Variants in HEPACAM2 observed in about 807,000 individuals in gnomAD.
HEPACAM2 encodes the protein mitotic kinetics regulator.
Under a neutral mutation model 49.6 loss-of-function variants are expected in HEPACAM2, and 49 were observed. The ratio of observed to expected loss-of-function variants is 0.99; its 90% CI spans 0.78 to 1.25. HEPACAM2 has a LOEUF of 1.25. Ranked by LOEUF, HEPACAM2 falls within the 50% of genes most tolerant of loss-of-function variation. The pLI is 0.00. For missense variants in HEPACAM2, 525 were observed against 557.2 expected (o/e 0.94, Z 0.58); for synonymous variants, 197 against 202.9 (o/e 0.97, Z 0.25).
chr7:93,209,252 G>A (rs1469948051), intron 3 of HEPACAM2, among the ~76,000 whole-genome samples: 4 of 151,814 alleles, frequency 2.6e-5, no homozygotes, highest in Admixed American at 6.6e-5. Context: ...TGTGTGACTA[G>A]CTTATTTTTA....
At chr7:93,212,437 G>A (rs181751151) in intron 3 of HEPACAM2, among the ~76,000 whole-genome samples, 1 of 151,636 alleles carries the variant, frequency 6.6e-6, no homozygotes, top group East Asian at 1.9e-4. Flanking sequence ...ACACTTTGAA[G>A]CATTTCAGTT....
upstream of HEPACAM2, among the ~76,000 whole-genome samples, chr7:93,230,478 C>T (rs1280383722): frequency 6.6e-6 from 1 of 152,232 alleles, no homozygotes; most frequent in Non-Finnish European, 1.5e-5. Flanking sequence ...TTGAGATCTA[C>T]TGAACTCAGA....
At chr7:93,210,805 T>C (rs1033792918) in intron 3 of HEPACAM2, among the ~76,000 whole-genome samples, 2 of 151,974 alleles carry the variant, frequency 1.3e-5, no homozygotes, top group Non-Finnish European at 2.9e-5. Flanking sequence ...GGGTAACTAA[T>C]TTTTTCAATC....
chr7:93,213,981 A>G (rs146705073), intron 3 of HEPACAM2, among the ~76,000 whole-genome samples: 1 of 152,282 alleles, frequency 6.6e-6, no homozygotes, highest in African/African-American at 2.4e-5. Context: ...CAGATAGGAT[A>G]TACAACCAAT....
At chr7:93,208,997 G>C in intron 3 of HEPACAM2, 121 bp from the exon 4 acceptor site, 1 of 723,442 alleles carries the variant, frequency 1.4e-6, no homozygotes, top group Non-Finnish European at 2.2e-6. Context: ...AATTGGACGA[G>C]CAGGTCCTTG....
At chr7:93,229,250 T>C (rs537283720), upstream of HEPACAM2, among the ~76,000 whole-genome samples, 2 of 152,336 alleles carry the variant, frequency 1.3e-5, no homozygotes, top group South Asian at 4.1e-4. Flanking sequence ...CCTGTGCTAG[T>C]GTTCACTTCT....
chr7:93,208,576 A>C lies in HEPACAM2; in HGVS notation c.1012+4T>G. The stretch of plus-strand genomic sequence containing the variant: ...AGGATCCCTTCCTTGTATGTCACAC[A>C]TACCTACGGAAGTGATGATAACTGT... On this transcript the variant is annotated splice_donor_region_variant and intron_variant, in intron 4 of 9. Transcript: ENST00000394468. 1 of 1,610,370 alleles carries C rather than the reference A, an allele frequency of 6.2e-7. No homozygotes were observed. The highest frequency in any genetic ancestry group is 1.1e-5 in the South Asian group (1 of 90,704).
chr7:93,207,316 C>G (rs1225444969), intron 4 of HEPACAM2, among the ~76,000 whole-genome samples: 1 of 152,056 alleles, frequency 6.6e-6, no homozygotes, highest in Non-Finnish European at 1.5e-5. Flanking sequence ...GGTACCTTAA[C>G]CACCATGTCC....
intron 4 of HEPACAM2, among the ~76,000 whole-genome samples, chr7:93,206,371 A>G (rs1027851791): frequency 2.0e-5 from 3 of 152,100 alleles, no homozygotes; most frequent in Non-Finnish European, 4.4e-5. Context: ...AGGAATTCTT[A>G]TTAGGAGGAA....
intron 2 of HEPACAM2, among the ~76,000 whole-genome samples, chr7:93,216,279 G>A (rs934343755): frequency 2.0e-5 from 3 of 152,146 alleles, no homozygotes; most frequent in Admixed American, 2.0e-4. Flanking sequence ...GTAACATTAT[G>A]TTAGGCACTT....
chr7:93,226,083 A>G (rs1343688264), intron 1 of HEPACAM2: 4 of 535,350 alleles, frequency 7.5e-6, no homozygotes, highest in Non-Finnish European at 1.3e-5. Context: ...TGTAAACTCT[A>G]AAAGAAGAAA....
chr7:93,231,175 A>G (rs1314888383), upstream of HEPACAM2, among the ~76,000 whole-genome samples: 1 of 152,116 alleles, frequency 6.6e-6, no homozygotes, highest in Non-Finnish European at 1.5e-5. Flanking sequence ...TACCACCCAT[A>G]CTATTGTTTA....
upstream of HEPACAM2, among the ~76,000 whole-genome samples, chr7:93,229,070 G>T (rs1002052745): frequency 6.6e-6 from 1 of 152,182 alleles, no homozygotes; most frequent in East Asian, 1.9e-4. Context: ...ATGTTTTGCA[G>T]TGGCAGAAAC....
At chr7:93,218,982 A>T (rs975065443) in intron 2 of HEPACAM2, 119 bp downstream of exon 2, 4 of 747,380 alleles carry the variant, frequency 5.4e-6, no homozygotes, top group Non-Finnish European at 8.8e-6. Flanking sequence ...GGCTTTGAGG[A>T]TTAATTGATT....
chr7:93,206,332 G>A (rs1013889154), intron 4 of HEPACAM2, among the ~76,000 whole-genome samples: 11 of 152,066 alleles, frequency 7.2e-5, no homozygotes, highest in Non-Finnish European at 1.3e-4. Flanking sequence ...AGCTGTTTAT[G>A]TGTTTGCCAC....
intron 4 of HEPACAM2, among the ~76,000 whole-genome samples, chr7:93,202,035 A>AAAAAAAAAAAAACAAAAAAAAC (rs1793905085): frequency 2.9e-4 from 1 of 3,430 alleles, no homozygotes; most frequent in African/African-American, 2.4e-3. Flanking sequence ...AAAAAACCAA[A>AAAAAAAAAAAAACAAAAAAAAC]AAAAAAAAAA....
At chr7:93,219,024 C>T (rs1038500211) in intron 2 of HEPACAM2, 77 bp downstream of exon 2, 16 of 1,264,372 alleles carry the variant, frequency 1.3e-5, no homozygotes, top group Admixed American at 8.0e-5. Context: ...GATCTAAAGC[C>T]GAAGTAGTTT....
chr7:93,215,482 C>G lies in HEPACAM2; in HGVS notation c.634G>C (p.Glu212Gln). 1 of 1,613,812 alleles carries G rather than the reference C, an allele frequency of 6.2e-7. No homozygotes were observed. The highest frequency in any genetic ancestry group is 1.1e-5 in the South Asian group (1 of 91,068). Residue 212 changes from glutamate to glutamine, a missense_variant, in exon 3 of 10, where the codon GAA (glutamate) becomes CAA (glutamine). Glu to Gln is a conservative substitution (Grantham distance 29). Transcript: ENST00000394468. ...NTLHIAPVTK[E>Q]DIGNYSCLVR... is the part of the protein sequence containing the mutation. Reference sequence around the variant, plus strand: ...AGGCAGCTGTAATTCCCAATGTCTTCCTTGGTTACTGGAGCAATATGAAGG... The same window carrying G: ...AGGCAGCTGTAATTCCCAATGTCTTGCTTGGTTACTGGAGCAATATGAAGG...
At position 93,192,253 on chromosome 7, in the gene HEPACAM2, C is replaced by T. The variant is rs753468277; in HGVS notation, c.1385+1G>A. On this transcript the variant is annotated splice_donor_variant, in intron 9 of 9. Coordinates refer to ENST00000394468, the MANE Select transcript of HEPACAM2 (RefSeq NM_001039372.4). LOFTEE classifies it high-confidence loss of function. ...ACCATCAAATGCAGATTCGTACTTA[C>T]TCTGGATGGTCTTGCTGCTGGGCAG... 14 of 1,607,500 alleles carry T rather than the reference C, an allele frequency of 8.7e-6. No individual in the cohort carries two copies. In the East Asian group the frequency reaches 2.9e-4, roughly 33 times the overall value.
Sources: gnomAD v4.1 joint callset for allele counts (sites outside exome capture counted in the v4.1 genomes callset) on GRCh38, gnomAD v4.1.1 for gene constraint, MANE v1.5 for transcripts, NCBI Gene and HGNC (gene_info 2026-07-23, HGNC 2026-07-21) for gene names.